Variants in UBAC2 observed in about 807,000 individuals in gnomAD.
UBAC2 encodes UBA domain containing 2, also known as ubiquitin-associated domain-containing protein 2.
Under a neutral mutation model 44.0 loss-of-function variants are expected in UBAC2, and 26 were observed. The ratio of observed to expected loss-of-function variants is 0.59; its 90% CI spans 0.43 to 0.82. The LOEUF (loss-of-function observed/expected upper bound fraction) is 0.82, where lower values mean the gene tolerates loss of function less well. Ranked by LOEUF, UBAC2 falls within the 40% of genes least tolerant of loss-of-function variation. The pLI is 0.00. For missense variants in UBAC2, 329 were observed against 419.4 expected, an observed-to-expected ratio of 0.78 and a Z score of 1.88; for synonymous variants, 155 against 154.3, an observed-to-expected ratio of 1.00 and a Z score of -0.04.
chr13:99,376,836 C>T (rs2045486177), intron 8 of UBAC2: 2 of 152,260 alleles, frequency 1.3e-5, no homozygotes, highest in African/African-American at 4.8e-5. Flanking sequence ...GGAAGGTACT[C>T]GCTGTGCTCT....
intron 8 of UBAC2, among the ~76,000 whole-genome samples, chr13:99,375,109 TC>T (rs2045462611): frequency 6.6e-6 from 1 of 152,116 alleles, no homozygotes; most frequent in African/African-American, 2.4e-5. Context: ...GGTGTCTCAT[TC>T]TGCTGGGTGC....
intron 7 of UBAC2, among the ~76,000 whole-genome samples, chr13:99,343,400 G>A (rs1028393714): frequency 7.2e-5 from 11 of 152,050 alleles, no homozygotes; most frequent in Non-Finnish European, 8.8e-5. Flanking sequence ...GGAACATCAC[G>A]GGATCTGCCA....
chr13:99,292,218 C>G (rs1346770615), intron 4 of UBAC2, among the ~76,000 whole-genome samples: 2 of 151,240 alleles, frequency 1.3e-5, no homozygotes, highest in East Asian at 3.9e-4. Flanking sequence ...TCACTGCAAG[C>G]TCCGTCTCCC....
chr13:99,220,659 G>T (rs1249883528), intron 1 of UBAC2, among the ~76,000 whole-genome samples: 1 of 152,126 alleles, frequency 6.6e-6, no homozygotes, highest in African/African-American at 2.4e-5. Context: ...GTTTTCAAAG[G>T]TAAAAGGATC....
rs140769802 is a variant in UBAC2 at position 99,255,146 on chromosome 13, C to T, written c.389+10522C>T. Reference sequence around the variant, plus strand: ...CAGATGTGGAAGGGCATAAAGCAGACGAGCACCTGCACCAGCAGCGTGATG... The same window carrying T: ...CAGATGTGGAAGGGCATAAAGCAGATGAGCACCTGCACCAGCAGCGTGATG... On this transcript the variant is annotated intron_variant, in intron 4 of 8. Transcript: ENST00000403766. 3.5e-5 allele frequency: 57 copies of T among 1,614,094 alleles called. 1 individual carries two copies. In the Middle Eastern group the frequency reaches 8.2e-4, roughly 23 times the overall value.
intron 1 of UBAC2, among the ~76,000 whole-genome samples, chr13:99,233,036 A>C (rs778262306): frequency 5.9e-5 from 9 of 152,252 alleles, no homozygotes; most frequent in Non-Finnish European, 1.2e-4. Flanking sequence ...TATATTTTCT[A>C]GCTCTGATTA....
In UBAC2 at chr13:99,243,845, T is replaced by TA. The variant is rs1156991814; in HGVS notation, c.174dup (p.Cys59MetfsTer8). 1 of 1,572,992 alleles carries TA rather than the reference T, an allele frequency of 6.4e-7. No homozygotes were observed. Among genetic ancestry groups the TA allele is most frequent in the Non-Finnish European group, 8.6e-7 (1 of 1,158,154 alleles). On this transcript the variant is annotated frameshift_variant, in exon 3 of 9. Transcript: ENST00000403766. LOFTEE classifies it high-confidence loss of function. ...ATCCCCATCTAGATTTGGAGGTTGA[T>TA]ATGTGGAAGAATAATTTGCCTTGAT...
rs749323566 is a variant in UBAC2, at chr13:99,255,655, A to G, written c.389+11031A>G. On this transcript the variant is annotated intron_variant, in intron 4 of 8. Transcript: ENST00000403766. ...ATAAAACATTCGAAAGGGTAAAGTC[A>G]TTATAAATATCAAGTCCACTAATGC... 4 of 1,614,030 alleles carry G rather than the reference A, an allele frequency of 2.5e-6. No individual in the cohort carries two copies. Among genetic ancestry groups the G allele is most frequent in the Non-Finnish European group, 3.4e-6 (4 of 1,180,008 alleles).
chr13:99,331,461 T>C (rs1486397217), intron 6 of UBAC2, among the ~76,000 whole-genome samples: 2 of 152,268 alleles, frequency 1.3e-5, no homozygotes, highest in African/African-American at 4.8e-5. Context: ...TTATTACTTC[T>C]GTCTCTATTC....
intron 1 of UBAC2, among the ~76,000 whole-genome samples, chr13:99,204,202 G>T (rs959775174): frequency 3.3e-5 from 5 of 152,136 alleles, no homozygotes; most frequent in Non-Finnish European, 5.9e-5. Context: ...GTCTATTGGG[G>T]CAAAACTTTT....
Position 99,243,892 on chromosome 13 carries a change from A to AT in UBAC2, c.220_221insT (p.Ser74MetfsTer6). ...TGATTTGAAAGATACTTTCTGCAGT[A>AT]GTCTGCTTATTTATAATTTTAGGAT... On this transcript the variant is annotated frameshift_variant, in exon 3 of 9. Transcript: ENST00000403766. LOFTEE classifies it high-confidence loss of function. 3.2e-6 allele frequency: 5 copies of AT among 1,566,420 alleles called. No homozygotes were observed. The highest frequency in any genetic ancestry group is 4.3e-6 in the Non-Finnish European group (5 of 1,153,498).
chr13:99,294,256 C>T (rs2044134342), intron 4 of UBAC2, among the ~76,000 whole-genome samples: 1 of 152,064 alleles, frequency 6.6e-6, no homozygotes. Context: ...CCCTAGTGAT[C>T]CCAAGAAAAC....
At position 99,284,716 on chromosome 13, in the gene UBAC2, A is replaced by ACATC. The variant is rs578102184; in HGVS notation, c.390-29379_390-29376dup. 2.7e-3 allele frequency among the ~76,000 whole-genome samples: 412 copies of ACATC among 152,350 alleles called. 1 individual carries two copies. The highest frequency in any genetic ancestry group is 4.5e-3 in the Non-Finnish European group (305 of 68,034). On this transcript the variant is annotated intron_variant, in intron 4 of 8. Coordinates refer to ENST00000403766, the MANE Select transcript of UBAC2 (RefSeq NM_001144072.2). ...GTATTACATGTTGCATTTCATTGGT[A>ACATC]CATCCCCTTACTGTTTAATCCGGAC...
At chr13:99,353,017 A>C (rs1430109560) in intron 7 of UBAC2, among the ~76,000 whole-genome samples, 1 of 152,152 alleles carries the variant, frequency 6.6e-6, no homozygotes. Context: ...CCTCCTCAGC[A>C]CTTTTCCTTT....
intron 6 of UBAC2, among the ~76,000 whole-genome samples, chr13:99,324,361 C>T (rs1447034747): frequency 6.6e-6 from 1 of 152,152 alleles, no homozygotes; most frequent in African/African-American, 2.4e-5. Context: ...CAAGCAGAAG[C>T]TTGAAGAGCC....
At chr13:99,241,120 C>T (rs550694380) in intron 2 of UBAC2, among the ~76,000 whole-genome samples, 7 of 151,698 alleles carry the variant, frequency 4.6e-5, no homozygotes, top group Admixed American at 1.3e-4. Flanking sequence ...AAAAATTAGA[C>T]GGGTGTGGTG....
At chr13:99,233,326 T>C (rs2043197178) in intron 1 of UBAC2, among the ~76,000 whole-genome samples, 1 of 152,132 alleles carries the variant, frequency 6.6e-6, no homozygotes, top group African/African-American at 2.4e-5. Context: ...TTGGCCAGGC[T>C]GGTCTTGAAC....
At chr13:99,255,678 T>TG (rs760398254) in intron 4 of UBAC2, 5 of 1,613,952 alleles carry the variant, frequency 3.1e-6, no homozygotes, top group Non-Finnish European at 3.4e-6. Context: ...AGTCCACTAA[T>TG]GCCACATTCA....
intron 4 of UBAC2, among the ~76,000 whole-genome samples, chr13:99,254,416 T>C (rs1490037438): frequency 6.6e-6 from 1 of 152,208 alleles, no homozygotes; most frequent in African/African-American, 2.4e-5. Flanking sequence ...GCTATTAATT[T>C]TGCCTTGTAG....
Sources: allele counts gnomAD v4.1 joint callset (sites outside exome capture counted in the v4.1 genomes callset), GRCh38; gene constraint gnomAD v4.1.1; transcripts MANE v1.5; gene names NCBI Gene and HGNC (gene_info 2026-07-23, HGNC 2026-07-21).